Variants in PALM observed in about 807,000 individuals in gnomAD.
PALM encodes paralemmin.
Under a neutral mutation model 30.7 loss-of-function variants are expected in PALM, and 18 were observed. That is an observed-to-expected ratio of 0.59 (90% CI 0.41 to 0.87). The LOEUF (loss-of-function observed/expected upper bound fraction) is 0.87. PALM is among the 40% of genes least tolerant of loss of function. The probability of loss-of-function intolerance (pLI) is 0.00; values close to 1 mark genes in which losing one functional copy is unlikely to be tolerated. For missense variants in PALM, 529 were observed against 555.4 expected (o/e 0.95, Z 0.48); for synonymous variants, 286 against 242.8 (o/e 1.18, Z -1.66).
Position 740,448 on chromosome 19 carries a change from C to T in PALM, c.599C>T (p.Pro200Leu). 6.4e-7 allele frequency: 1 copy of T among 1,552,542 alleles called. No individual in the cohort carries two copies. The highest frequency in any genetic ancestry group is 1.2e-5 in the South Asian group (1 of 84,108). The change falls in exon 8 of 9, where the codon CCT becomes CTT. Residue 200 changes from proline to leucine, a missense_variant. By Grantham distance (98) the Pro-to-Leu change is moderately conservative. Transcript: ENST00000338448. ...ACGCTGCTCCCTCGGCAGCCGCTCC[C>T]TCTGGGCATCAAAGTCTACGAGGAC... ...STTLLPRQPL[P>L]LGIKVYEDET...
At position 746,927 on chromosome 19, in the gene PALM, T is replaced by C. The variant is rs901116174; in HGVS notation, c.*113T>C. On this transcript the variant is annotated 3_prime_UTR_variant, in exon 9 of 9. Coordinates refer to ENST00000338448, the MANE Select transcript of PALM (RefSeq NM_002579.3). This position sits in a 1 kb window ranked among gnomAD's most constrained non-coding sequence, Gnocchi z 7.1. ...AGCCTCACGGGTCCAGGACTTGGCG[T>C]GTTGTTACATGTTCCTTCCGAGTTT... The C allele has an allele frequency of 9.2e-6, 6 of 653,918 alleles. No homozygotes were observed. The highest frequency in any genetic ancestry group is 1.5e-5 in the Non-Finnish European group (6 of 389,132). 40.5% of individuals were successfully genotyped at this position (653,918 alleles called of 1,614,324 possible). A position where few individuals can be genotyped will look rare whatever the true frequency, so the allele number is the denominator to read the frequency against.
Position 727,066 on chromosome 19 carries a change from G to C in PALM, c.116G>C (p.Arg39Pro). 6.5e-7 allele frequency: 1 copy of C among 1,531,888 alleles called. No individual in the cohort carries two copies. Among genetic ancestry groups the C allele is most frequent in the Non-Finnish European group, 8.8e-7 (1 of 1,135,052 alleles). The allele number at this position is 1,531,888 out of a possible 1,614,324, so 94.9% of individuals were successfully genotyped here. A position where few individuals can be genotyped will look rare whatever the true frequency, so the allele number is the denominator to read the frequency against. Residue 39 changes from arginine (R) to proline (P), a missense_variant, in exon 3 of 9, where the codon CGG becomes CCG. Arg to Pro is a moderately radical substitution (Grantham distance 103, BLOSUM62 -2). Coordinates refer to ENST00000338448, the MANE Select transcript of PALM (RefSeq NM_002579.3). ...ENKRRQLEDE[R>P]RQLQHLKSKA... is the part of the protein sequence containing the mutation. ...AAGCGCCGGCAGCTGGAGGACGAGC[G>C]GAGGCAGCTGCAGCACCTGAAGGTA...
At chr19:738,349 AC>A (rs1045124564) in intron 7 of PALM, among the ~76,000 whole-genome samples, 1 of 151,916 alleles carries the variant, frequency 6.6e-6, no homozygotes, top group African/African-American at 2.4e-5. Context: ...ACACGGTGAA[AC>A]CCTGTCTCTA....
intron 7 of PALM, among the ~76,000 whole-genome samples, chr19:738,294 AG>A (rs2033081985): frequency 6.6e-6 from 1 of 152,116 alleles, no homozygotes; most frequent in African/African-American, 2.4e-5. Flanking sequence ...TGGGAGGCCG[AG>A]GGGGGCAGAT....
chr19:719,702 T>G, intron 1 of PALM: 5 of 827,348 alleles, frequency 6.0e-6, no homozygotes, highest in Non-Finnish European at 7.3e-6. Context: ...CCGTGACCCC[T>G]GCGCCGGGGT....
intron 1 of PALM, among the ~76,000 whole-genome samples, chr19:717,184 T>G (rs1367976751): frequency 6.6e-6 from 1 of 152,184 alleles, no homozygotes; most frequent in Non-Finnish European, 1.5e-5. Flanking sequence ...TGCCTTGGCC[T>G]CCCAAAGTGC....
chr19:747,081 A>AC lies in PALM; in HGVS notation c.*273dup, dbSNP rs905609191. On this transcript the variant is annotated 3_prime_UTR_variant, in exon 9 of 9. Transcript: ENST00000338448. ...CAGACCCGCTTTTCCCGAGACAAGG[A>AC]CCCCCCATGTCACGGCAGCTTCACA... 1.7e-5 allele frequency: 7 copies of AC among 413,688 alleles called. No homozygotes were observed. The highest frequency in any genetic ancestry group is 4.2e-5 in the East Asian group (1 of 23,994). The allele number at this position is 413,688 out of a possible 1,614,324, so 25.6% of individuals were successfully genotyped here. A position where few individuals can be genotyped will look rare whatever the true frequency, so the allele number is the denominator to read the frequency against.
intron 1 of PALM, among the ~76,000 whole-genome samples, chr19:714,029 C>T (rs1429110370): frequency 6.6e-6 from 1 of 151,754 alleles, no homozygotes; most frequent in Non-Finnish European, 1.5e-5. Flanking sequence ...CTCAGCCTCC[C>T]GAGTAGCTGG....
At chr19:745,719 T>A (rs12461462) in intron 8 of PALM, among the ~76,000 whole-genome samples, 1 of 151,534 alleles carries the variant, frequency 6.6e-6, no homozygotes, top group Admixed American at 6.6e-5. Flanking sequence ...TTCATTCCTT[T>A]CCACTCTTTC....
At chr19:713,196 G>C (rs1423051588) in intron 1 of PALM, among the ~76,000 whole-genome samples, 1 of 152,096 alleles carries the variant, frequency 6.6e-6, no homozygotes, top group Non-Finnish European at 1.5e-5. Flanking sequence ...CTGGATATCA[G>C]ACATCCTGGT....
intron 1 of PALM, among the ~76,000 whole-genome samples, chr19:717,913 A>G (rs907884346): frequency 1.3e-5 from 2 of 152,108 alleles, no homozygotes; most frequent in Non-Finnish European, 2.9e-5. Flanking sequence ...TGGGAAGACA[A>G]GATCACGCCT....
At chr19:724,321 A>T (rs900713589) in intron 1 of PALM, among the ~76,000 whole-genome samples, 6 of 151,432 alleles carry the variant, frequency 4.0e-5, no homozygotes, top group Non-Finnish European at 7.4e-5. Flanking sequence ...TCATTCATTT[A>T]TTGTTTGTTT....
intron 6 of PALM, chr19:734,890 C>T (rs1021555099): frequency 2.1e-4 from 37 of 177,776 alleles, no homozygotes; most frequent in Admixed American, 1.9e-3. Context: ...AGCCACCAGC[C>T]GGGATTGACG....
chr19:739,918 A>G lies in PALM; in HGVS notation c.503-434A>G, dbSNP rs367666098. ...TAGAACCGGGAGGTGAGTCCAGATCACACCACTGTGCTCCAGCCGGGGCGA... is the reference window on the plus strand; with the variant it reads ...TAGAACCGGGAGGTGAGTCCAGATCGCACCACTGTGCTCCAGCCGGGGCGA... On this transcript the variant is annotated intron_variant, in intron 7 of 8. Coordinates refer to ENST00000338448, the MANE Select transcript of PALM (RefSeq NM_002579.3). 4.0e-4 allele frequency among the ~76,000 whole-genome samples: 61 copies of G among 152,300 alleles called. No homozygotes were observed. In the East Asian group the frequency reaches 4.4e-3, roughly 11 times the overall value.
chr19:710,620 G>C (rs907147800), intron 1 of PALM, among the ~76,000 whole-genome samples: 6 of 151,728 alleles, frequency 4.0e-5, no homozygotes, highest in African/African-American at 1.2e-4. Flanking sequence ...CCTTTCCCAC[G>C]GGGGATACTG....
chr19:722,881 C>G (rs1364843617), intron 1 of PALM: 2 of 152,298 alleles, frequency 1.3e-5, no homozygotes, highest in East Asian at 3.8e-4. Flanking sequence ...GCTGGTGTTC[C>G]CGGGCCCCTG....
chr19:723,970 G>A (rs750601823), intron 1 of PALM, among the ~76,000 whole-genome samples: 14 of 152,058 alleles, frequency 9.2e-5, no homozygotes, highest in Non-Finnish European at 1.9e-4. Context: ...GGGAGGGGAG[G>A]GTTTGGGTGG....
At chr19:720,694 G>C (rs1486497648) in intron 1 of PALM, among the ~76,000 whole-genome samples, 1 of 150,638 alleles carries the variant, frequency 6.6e-6, no homozygotes, top group Non-Finnish European at 1.5e-5. Context: ...GCTGCTTCCC[G>C]CGCGTTCCCT....
intron 4 of PALM, among the ~76,000 whole-genome samples, chr19:728,664 C>T (rs2032770928): frequency 6.6e-6 from 1 of 152,024 alleles, no homozygotes. Flanking sequence ...AAAAATTAGC[C>T]TGGTGTGGTG....
Sources: allele counts gnomAD v4.1 joint callset (sites outside exome capture counted in the v4.1 genomes callset), GRCh38; gene constraint gnomAD v4.1.1; non-coding constraint Gnocchi (gnomAD v3.1); transcripts MANE v1.5; gene names NCBI Gene and HGNC (gene_info 2026-07-23, HGNC 2026-07-21).